The following BCAS3 variants were observed in gnomAD, a reference collection of about 807,000 sequenced individuals.
The protein encoded by BCAS3 is BCAS3 microtubule associated cell migration factor.
In BCAS3, 53 loss-of-function variants were observed where a neutral mutation model predicts 116.1. The ratio of observed to expected loss-of-function variants is 0.46; its 90% CI spans 0.37 to 0.57. The LOEUF (loss-of-function observed/expected upper bound fraction) is 0.57. Ranked by LOEUF, BCAS3 falls within the 20% of genes least tolerant of loss-of-function variation. BCAS3 has a pLI of 0.00. For synonymous variants in BCAS3, 391 were observed against 408.2 expected (o/e 0.96, Z 0.51); for missense variants, 917 against 1,165.4 (o/e 0.79, Z 3.10).
chr17:60,733,938 A>G (rs1235447535), intron 5 of BCAS3, among the ~76,000 whole-genome samples: 2 of 152,176 alleles, frequency 1.3e-5, no homozygotes, highest in East Asian at 3.8e-4. Context: ...TCTTTTGCAA[A>G]TGTTTTCTCA....
At chr17:61,044,202 C>G (rs924311639) in intron 19 of BCAS3, among the ~76,000 whole-genome samples, 6 of 151,848 alleles carry the variant, frequency 4.0e-5, no homozygotes, top group African/African-American at 1.5e-4. Flanking sequence ...AATCCCAGCA[C>G]TTTCGGAGAC....
At chr17:61,294,600 G>A (rs920461544) in intron 22 of BCAS3, among the ~76,000 whole-genome samples, 4 of 152,168 alleles carry the variant, frequency 2.6e-5, no homozygotes, top group Non-Finnish European at 5.9e-5. Flanking sequence ...AAGGCCTTGA[G>A]TTCTTAACAT....
At chr17:60,684,886 C>A (rs2033791601) in intron 3 of BCAS3, among the ~76,000 whole-genome samples, 1 of 152,036 alleles carries the variant, frequency 6.6e-6, no homozygotes, top group African/African-American at 2.4e-5. Flanking sequence ...CTAGAAAACA[C>A]AGTGCCTTCA....
chr17:61,252,387 G>A (rs1357883284), intron 22 of BCAS3, among the ~76,000 whole-genome samples: 1 of 152,060 alleles, frequency 6.6e-6, no homozygotes, highest in African/African-American at 2.4e-5. Context: ...CCCTTGTTCA[G>A]CCCCCCCAGT....
Position 60,964,148 on chromosome 17 carries a change from TC to T in BCAS3, c.1221+16798del, listed in dbSNP as rs1236907196. Among the ~76,000 whole-genome samples, 1 of 152,240 alleles carries T rather than the reference TC, an allele frequency of 6.6e-6. No homozygotes were observed. The highest frequency in any genetic ancestry group is 1.9e-4 in the East Asian group (1 of 5,204). The stretch of plus-strand genomic sequence containing the variant: ...GGAAAGGCCTTCATTTTTTCCCTGT[TC>T]CGTATGATGGTAGCTGTGGATTTGT... On this transcript the variant is annotated intron_variant, in intron 14 of 23. Transcript: ENST00000407086. This position sits in a 1 kb window ranked among gnomAD's most constrained non-coding sequence, Gnocchi z 4.6.
At chr17:61,254,286 GA>G (rs1327256983) in intron 22 of BCAS3, among the ~76,000 whole-genome samples, 2 of 152,212 alleles carry the variant, frequency 1.3e-5, no homozygotes, top group African/African-American at 4.8e-5. Context: ...CTGCCGTAAA[GA>G]GGGCTTGCTT....
rs2058511722 is a variant in BCAS3 at position 61,362,623 on chromosome 17, C to T, written c.2426-5704C>T. ...GGAGCTACCAGCTTGCCAGCTGTCA[C>T]AGCATGCCTTTAATGGGTTTGTGAA... On this transcript the variant is annotated intron_variant, in intron 22 of 23. Coordinates refer to ENST00000407086, the MANE Select transcript of BCAS3 (RefSeq NM_017679.5). The surrounding 1 kb of genome is among the most constrained non-coding windows in gnomAD (Gnocchi z 4.4). 1 of 152,260 alleles carries T rather than the reference C, an allele frequency of 6.6e-6. No individual in the cohort carries two copies. Among genetic ancestry groups the T allele is most frequent in the African/African-American group, 2.4e-5 (1 of 41,464 alleles). The allele number at this position is 152,260 out of a possible 1,614,324, so 9.4% of individuals were successfully genotyped here. A position where few individuals can be genotyped will look rare whatever the true frequency, so the allele number is the denominator to read the frequency against.
chr17:60,881,411 T>C (rs1254223670), intron 9 of BCAS3, among the ~76,000 whole-genome samples: 1 of 152,198 alleles, frequency 6.6e-6, no homozygotes, highest in Admixed American at 6.5e-5. Flanking sequence ...AAATTTACAG[T>C]ATTTCATTCT....
intron 19 of BCAS3, among the ~76,000 whole-genome samples, chr17:61,067,604 T>A (rs1024058997): frequency 6.7e-6 from 1 of 149,616 alleles, no homozygotes; most frequent in African/African-American, 2.5e-5. Context: ...TAATCCCAGC[T>A]ACTTGGGAGG....
intron 7 of BCAS3, among the ~76,000 whole-genome samples, chr17:60,840,342 G>A (rs569411307): frequency 6.6e-6 from 1 of 152,206 alleles, no homozygotes; most frequent in South Asian, 2.1e-4. Context: ...TACAGTGTGA[G>A]GCTACCATCT....
intron 10 of BCAS3, among the ~76,000 whole-genome samples, chr17:60,898,449 A>AT (rs989898308): frequency 1.8e-4 from 27 of 149,276 alleles, no homozygotes; most frequent in African/African-American, 1.5e-4. Flanking sequence ...ATGTAGTCTG[A>AT]TTTTTTTTTT....
chr17:61,133,988 A>G (rs1043646907), intron 22 of BCAS3, among the ~76,000 whole-genome samples: 4 of 152,172 alleles, frequency 2.6e-5, no homozygotes, highest in African/African-American at 9.6e-5. Context: ...CCAAGGAGCA[A>G]TGGAGCAGAG....
chr17:60,853,497 C>G (rs889306595), intron 7 of BCAS3, among the ~76,000 whole-genome samples: 1 of 152,158 alleles, frequency 6.6e-6, no homozygotes, highest in Non-Finnish European at 1.5e-5. Context: ...TATTTATTGA[C>G]TGCCATTCAA....
intron 14 of BCAS3, among the ~76,000 whole-genome samples, chr17:60,970,090 T>C (rs1161998786): frequency 6.6e-6 from 1 of 152,224 alleles, no homozygotes; most frequent in Non-Finnish European, 1.5e-5. Context: ...TTTTTCCCTT[T>C]TAAAAATTTG....
chr17:61,134,727 A>G lies in BCAS3; in HGVS notation c.2425+50163A>G, dbSNP rs537872438. Among the ~76,000 whole-genome samples, 127 of 152,310 alleles carry G rather than the reference A, an allele frequency of 8.3e-4. No homozygotes were observed. The highest frequency in any genetic ancestry group is 2.9e-3 in the African/African-American group (121 of 41,556). ...TACAAACACCTCATTTAACCTTCAAAACAATCCTTTTTGACATCAGTTTTT... is the reference window on the plus strand; with the variant it reads ...TACAAACACCTCATTTAACCTTCAAGACAATCCTTTTTGACATCAGTTTTT... On this transcript the variant is annotated intron_variant, in intron 22 of 23. Transcript: ENST00000407086. The surrounding 1 kb of genome is among the most constrained non-coding windows in gnomAD (Gnocchi z 4.6).
At chr17:60,724,261 G>A (rs1402406707) in intron 5 of BCAS3, among the ~76,000 whole-genome samples, 1 of 150,586 alleles carries the variant, frequency 6.6e-6, no homozygotes, top group African/African-American at 2.4e-5. Context: ...GTTCGCTACT[G>A]AAAATACAAA....
chr17:60,904,201 C>G (rs1713331351), intron 11 of BCAS3, among the ~76,000 whole-genome samples: 1 of 151,112 alleles, frequency 6.6e-6, no homozygotes, highest in African/African-American at 2.4e-5. Flanking sequence ...GTCAGGAGTT[C>G]AAGATCAGCC....
intron 5 of BCAS3, among the ~76,000 whole-genome samples, chr17:60,724,506 C>T (rs2039616727): frequency 6.6e-6 from 1 of 151,286 alleles, no homozygotes; most frequent in Non-Finnish European, 1.5e-5. Flanking sequence ...GGTCTTATCA[C>T]CTGAGGTCAG....
chr17:61,052,715 CTT>C (rs60772345), intron 19 of BCAS3, among the ~76,000 whole-genome samples: 5 of 124,976 alleles, frequency 4.0e-5, no homozygotes, highest in Admixed American at 8.4e-5. Flanking sequence ...TTCTTTCTTT[CTT>C]TTTTTTTTTT....
Sources: gnomAD v4.1 joint callset for allele counts (sites outside exome capture counted in the v4.1 genomes callset) on GRCh38, gnomAD v4.1.1 for gene constraint, Gnocchi (gnomAD v3.1) non-coding constraint, MANE v1.5 for transcripts, NCBI Gene and HGNC (gene_info 2026-07-23, HGNC 2026-07-21) for gene names.